Variants in CRABP1 observed in about 807,000 individuals in gnomAD.
CRABP1 encodes cellular retinoic acid-binding protein 1.
In CRABP1, 9 loss-of-function variants were observed where a neutral mutation model predicts 16.4. The ratio of observed to expected loss-of-function variants is 0.55; its 90% confidence interval spans 0.33 to 0.96. CRABP1 has a LOEUF of 0.96. Among genes scored for constraint, CRABP1 ranks in the 40% least tolerant of loss-of-function variants. CRABP1 has a pLI of 0.03. For missense variants in CRABP1, 157 were observed against 186.0 expected, an observed-to-expected ratio of 0.84 and a Z score of 0.91; for synonymous variants, 72 against 70.4, an observed-to-expected ratio of 1.02 and a Z score of -0.11.
At chr15:78,347,851 C>CTTA in intron 3 of CRABP1, 76 bp from the exon 4 acceptor site, 1 of 1,377,398 alleles carries the variant, frequency 7.3e-7, no homozygotes, top group East Asian at 2.3e-5. Flanking sequence ...AATAAGTGGC[C>CTTA]TTATTAGTGA....
Position 78,348,003 on chromosome 15 carries a change from A to G in CRABP1, c.*26A>G, listed in dbSNP as rs1490385954. The G allele has an allele frequency of 2.5e-6, 4 of 1,611,872 alleles. No individual in the cohort carries two copies. In the East Asian group the frequency reaches 6.7e-5, roughly 27 times the overall value. On this transcript the variant is annotated 3_prime_UTR_variant, in exon 4 of 4. Transcript: ENST00000299529. ...AGGCAGCTGGCTTGCTCCTACTTTC[A>G]GGAAGGGATGCAGGCTCCCCTGAGG...
intron 3 of CRABP1, among the ~76,000 whole-genome samples, chr15:78,347,461 T>A (rs2050272886): frequency 6.6e-6 from 1 of 152,210 alleles, no homozygotes. Flanking sequence ...CCAGGTTAGA[T>A]GACTGCTTCC....
At chr15:78,340,814 G>A in intron 1 of CRABP1, 1 of 608,844 alleles carries the variant, frequency 1.6e-6, no homozygotes, top group East Asian at 2.8e-5. Context: ...TAAATTTGGA[G>A]ACTCAAATTT....
At chr15:78,343,428 A>T in intron 2 of CRABP1, 71 bp from the exon 3 acceptor site, 1 of 1,177,280 alleles carries the variant, frequency 8.5e-7, no homozygotes, top group Non-Finnish European at 1.3e-6. Context: ...TTATTTTTCA[A>T]TGCTCATTGT....
chr15:78,346,097 C>G (rs1427212799), intron 3 of CRABP1, among the ~76,000 whole-genome samples: 1 of 152,174 alleles, frequency 6.6e-6, no homozygotes, highest in Non-Finnish European at 1.5e-5. Flanking sequence ...GGAGAGCTGT[C>G]AGCTAGTGAG....
chr15:78,342,354 G>T (rs1452577005), intron 2 of CRABP1, among the ~76,000 whole-genome samples: 1 of 151,824 alleles, frequency 6.6e-6, no homozygotes, highest in Non-Finnish European at 1.5e-5. Flanking sequence ...GTTGGCTACT[G>T]CCAGGAAGGG....
chr15:78,347,519 G>A (rs1396991487), intron 3 of CRABP1, among the ~76,000 whole-genome samples: 1 of 152,154 alleles, frequency 6.6e-6, no homozygotes, highest in Non-Finnish European at 1.5e-5. Flanking sequence ...AGAACTGGCT[G>A]GTGAGTGCTG....
At chr15:78,344,257 T>C (rs1272683608) in intron 3 of CRABP1, among the ~76,000 whole-genome samples, 2 of 152,126 alleles carry the variant, frequency 1.3e-5, no homozygotes, top group East Asian at 1.9e-4. Context: ...GGTTGCAAGT[T>C]TGAGACCAGC....
At chr15:78,343,272 TGTGA>T (rs779886638) in intron 2 of CRABP1, among the ~76,000 whole-genome samples, 5 of 152,162 alleles carry the variant, frequency 3.3e-5, no homozygotes, top group African/African-American at 4.8e-5. Flanking sequence ...TGTGTGTGCT[TGTGA>T]GTGTGTGTGT....
Position 78,341,430 on chromosome 15 carries a change from C to A in CRABP1, c.249+209C>A. 1.7e-6 allele frequency: 1 copy of A among 597,204 alleles called. No homozygotes were observed. 37.0% of individuals were successfully genotyped at this position (597,204 alleles called of 1,614,324 possible). The stretch of plus-strand genomic sequence containing the variant: ...TACCTTCATTCCATCTCAACCCCAT[C>A]CCTACGCTGCCTCCCGGGGTGCTAA... On this transcript the variant is annotated intron_variant, in intron 2 of 3. Coordinates refer to ENST00000299529, the MANE Select transcript of CRABP1 (RefSeq NM_004378.3). The surrounding 1 kb of genome is among the most constrained non-coding windows in gnomAD (Gnocchi z 5.3).
At position 78,344,440 on chromosome 15, in the gene CRABP1, A is replaced by G. The variant is rs575992092; in HGVS notation, c.363+828A>G. On this transcript the variant is annotated intron_variant, in intron 3 of 3. Coordinates refer to ENST00000299529, the MANE Select transcript of CRABP1 (RefSeq NM_004378.3). Reference sequence around the variant, plus strand: ...GCACCACTGCACTCCAGCCTGGGCGACAGAGACTCTGTCTCTAAAAAAAAA... The same window carrying G: ...GCACCACTGCACTCCAGCCTGGGCGGCAGAGACTCTGTCTCTAAAAAAAAA... Among the ~76,000 whole-genome samples the G allele has an allele frequency of 2.8e-5, 4 of 144,826 alleles. No individual in the cohort carries two copies. The East Asian group carries it at 8.1e-4, about 29-fold the overall frequency.
intron 2 of CRABP1, 104 bp from the exon 3 acceptor site, chr15:78,343,395 T>C: frequency 1.5e-5 from 13 of 853,634 alleles, no homozygotes; most frequent in South Asian, 6.5e-5. Context: ...ACAGGGACCA[T>C]GTGTTGATTC....
chr15:78,340,957 TA>T, intron 1 of CRABP1, 85 bp from the exon 2 acceptor site: 1 of 1,379,298 alleles, frequency 7.3e-7, no homozygotes, highest in African/African-American at 1.4e-5. Context: ...GGCCCCTTTC[TA>T]AAGTTAGGGT....
At chr15:78,340,786 C>A in intron 1 of CRABP1, 1 of 600,672 alleles carries the variant, frequency 1.7e-6, no homozygotes, top group South Asian at 2.1e-5. Context: ...TACTGGAGAG[C>A]AAGGAGGATC....
chr15:78,341,192 G>A lies in CRABP1; in HGVS notation c.220G>A (p.Glu74Lys). 1 of 1,612,266 alleles carries A rather than the reference G, an allele frequency of 6.2e-7. No individual in the cohort carries two copies. Residue 74 changes from glutamate (E) to lysine (K), a missense_variant, in exon 2 of 4, where the codon GAG becomes AAG. Transcript: ENST00000299529. This position sits in a 1 kb window ranked among gnomAD's most constrained non-coding sequence, Gnocchi z 5.3. Reference sequence around the variant, plus strand: ...CTTCAAGGTCGGAGAAGGCTTTGAGGAGGAGACCGTGGACGGACGCAAGTG... The same window carrying A: ...CTTCAAGGTCGGAGAAGGCTTTGAGAAGGAGACCGTGGACGGACGCAAGTG... ...INFKVGEGFE[E>K]ETVDGRKCRS...
chr15:78,345,454 G>A (rs2050260106), intron 3 of CRABP1, among the ~76,000 whole-genome samples: 1 of 152,176 alleles, frequency 6.6e-6, no homozygotes, highest in Non-Finnish European at 1.5e-5. Context: ...TTGAGGCTGA[G>A]ACATGGAAAT....
intron 2 of CRABP1, among the ~76,000 whole-genome samples, chr15:78,342,394 G>A (rs896602690): frequency 6.6e-6 from 1 of 152,020 alleles, no homozygotes; most frequent in East Asian, 1.9e-4. Context: ...AAAAATTAAA[G>A]GTTCACACAA....
chr15:78,342,996 T>G (rs1199550271), intron 2 of CRABP1, among the ~76,000 whole-genome samples: 2 of 152,084 alleles, frequency 1.3e-5, no homozygotes, highest in Non-Finnish European at 2.9e-5. Flanking sequence ...GCACCTGTCA[T>G]CCCAGCTACT....
rs1255589717 is a variant in CRABP1 at position 78,342,665 on chromosome 15, G to A, written c.250-834G>A. Among the ~76,000 whole-genome samples the A allele has an allele frequency of 5.3e-5, 8 of 152,190 alleles. No individual in the cohort carries two copies. The East Asian group carries it at 1.5e-3, about 29-fold the overall frequency. ...ATTTTTTCTAAAGGGATGTAACCGGGAAAGTGGCAGCATTTTAACCCTCAG... is the reference window on the plus strand; with the variant it reads ...ATTTTTTCTAAAGGGATGTAACCGGAAAAGTGGCAGCATTTTAACCCTCAG... On this transcript the variant is annotated intron_variant, in intron 2 of 3. Transcript: ENST00000299529.
Sources: gnomAD v4.1 joint callset for allele counts (sites outside exome capture counted in the v4.1 genomes callset) on GRCh38, gnomAD v4.1.1 for gene constraint, Gnocchi (gnomAD v3.1) non-coding constraint, MANE v1.5 for transcripts, NCBI Gene and HGNC (gene_info 2026-07-23, HGNC 2026-07-21) for gene names.